Variants in NHEJ1 observed in about 807,000 individuals in gnomAD.
NHEJ1 encodes non-homologous end-joining factor 1.
NHEJ1 carries 22 observed loss-of-function variants against 39.4 expected under a neutral mutation model. The observed-to-expected ratio is 0.56, with a 90% CI of 0.40 to 0.80. NHEJ1 has a LOEUF of 0.80. Ranked by LOEUF, NHEJ1 falls within the 30% of genes least tolerant of loss-of-function variation. The pLI is 0.00. For synonymous variants in NHEJ1, 154 were observed against 135.6 expected, an observed-to-expected ratio of 1.14 and a Z score of -0.94; for missense variants, 329 against 357.1, an observed-to-expected ratio of 0.92 and a Z score of 0.63.
chr2:219,119,888 G>T (rs542010739), intron 5 of NHEJ1, among the ~76,000 whole-genome samples: 1 of 152,126 alleles, frequency 6.6e-6, no homozygotes, highest in Non-Finnish European at 1.5e-5. Flanking sequence ...TCTTTGTGAC[G>T]TTCCTTCTCC....
chr2:219,154,923 A>G (rs1949837280), intron 3 of NHEJ1, among the ~76,000 whole-genome samples: 1 of 147,494 alleles, frequency 6.8e-6, no homozygotes, highest in African/African-American at 2.5e-5. Flanking sequence ...ATATTAATAT[A>G]GATTAATATA....
At chr2:219,152,462 C>T (rs1358184654) in intron 3 of NHEJ1, among the ~76,000 whole-genome samples, 3 of 151,636 alleles carry the variant, frequency 2.0e-5, no homozygotes, top group Non-Finnish European at 2.9e-5. Flanking sequence ...AACAAATAAA[C>T]AAAAAAGATC....
intron 1 of NHEJ1, among the ~76,000 whole-genome samples, chr2:219,159,528 T>TATATATATATGCATATATATGC (rs745852983): frequency 1.1e-5 from 1 of 92,236 alleles, no homozygotes; most frequent in Non-Finnish European, 2.2e-5. Flanking sequence ...TATATATGCA[T>TATATATATATGCATATATATGC]ATATATATGC....
At chr2:219,123,006 C>T (rs138971345) in intron 5 of NHEJ1, among the ~76,000 whole-genome samples, 72 of 152,312 alleles carry the variant, frequency 4.7e-4, no homozygotes, top group African/African-American at 1.6e-3. Context: ...TTGTGTCCTA[C>T]GTCCCTGGCA....
rs1306863181 is a variant in NHEJ1, at chr2:219,074,739, T to C, written c.*1642A>G. On this transcript the variant is annotated 3_prime_UTR_variant, in exon 8 of 8. Transcript: ENST00000356853. ...CCTAGGCAACAAGAGCAAGACTCCA[T>C]TAAAAAAAAAAAAAAGTAACAAAAG... is the stretch of plus-strand genomic sequence containing the variant. 6.8e-6 allele frequency among the ~76,000 whole-genome samples: 1 copy of C among 147,764 alleles called. No homozygotes were observed. Among genetic ancestry groups the C allele is most frequent in the Admixed American group, 6.7e-5 (1 of 14,926 alleles).
In NHEJ1 at chr2:219,157,744, G is replaced by A. The variant is rs1949869351; in HGVS notation, c.178-60C>T. On this transcript the variant is annotated intron_variant, in intron 2 of 7. Coordinates refer to ENST00000356853, the MANE Select transcript of NHEJ1 (RefSeq NM_024782.3). Reference sequence around the variant, plus strand: ...TAAAAGGAAACTAATTCCCTCATAAGTAACAGCAAAGGAAAGCCCTGGTTA... The same window carrying A: ...TAAAAGGAAACTAATTCCCTCATAAATAACAGCAAAGGAAAGCCCTGGTTA... 3 of 1,399,304 alleles carry A rather than the reference G, an allele frequency of 2.1e-6. No homozygotes were observed. In the African/African-American group the frequency reaches 4.2e-5, roughly 20 times the overall value. 86.7% of individuals were successfully genotyped at this position (1,399,304 alleles called of 1,614,324 possible).
At chr2:219,082,973 T>G (rs1009963088) in intron 5 of NHEJ1, among the ~76,000 whole-genome samples, 6 of 151,984 alleles carry the variant, frequency 3.9e-5, no homozygotes, top group Non-Finnish European at 7.4e-5. Flanking sequence ...GGCCAGAGGG[T>G]TTGCCAGAAT....
intron 5 of NHEJ1, among the ~76,000 whole-genome samples, chr2:219,101,701 G>A (rs981250528): frequency 6.6e-6 from 1 of 151,112 alleles, no homozygotes; most frequent in Non-Finnish European, 1.5e-5. Context: ...CTCAGCCACC[G>A]CACCCGAACT....
At chr2:219,123,259 T>G (rs1949487895) in intron 5 of NHEJ1, among the ~76,000 whole-genome samples, 1 of 152,144 alleles carries the variant, frequency 6.6e-6, no homozygotes, top group Admixed American at 6.5e-5. Context: ...AGATCACACA[T>G]TAACAGTAAG....
chr2:219,130,807 G>A (rs781540726), intron 5 of NHEJ1, among the ~76,000 whole-genome samples: 7 of 152,208 alleles, frequency 4.6e-5, no homozygotes, highest in Non-Finnish European at 8.8e-5. Context: ...TCCAGTGTGA[G>A]GCTGGTTGCA....
At chr2:219,130,043 T>C (rs1264128368) in intron 5 of NHEJ1, among the ~76,000 whole-genome samples, 2 of 123,184 alleles carry the variant, frequency 1.6e-5, no homozygotes, top group Non-Finnish European at 3.8e-5. Flanking sequence ...GTATGTCCCT[T>C]CTTTTTTTTT....
intron 5 of NHEJ1, among the ~76,000 whole-genome samples, chr2:219,143,907 T>C (rs991169976): frequency 6.6e-6 from 1 of 152,204 alleles, no homozygotes; most frequent in Non-Finnish European, 1.5e-5. Context: ...ATAGGTCTAA[T>C]AAGCAACACT....
At chr2:219,144,141 C>T (rs554624599) in intron 5 of NHEJ1, among the ~76,000 whole-genome samples, 2 of 152,200 alleles carry the variant, frequency 1.3e-5, no homozygotes, top group Admixed American at 1.3e-4. Flanking sequence ...GCAGAGATTA[C>T]AGTGAGCCGA....
intron 5 of NHEJ1, among the ~76,000 whole-genome samples, chr2:219,085,742 C>T (rs925385588): frequency 4.1e-5 from 5 of 123,000 alleles, no homozygotes; most frequent in Admixed American, 1.9e-4. Context: ...CCTTTTAAAA[C>T]AAGATGGGAG....
At chr2:219,101,225 G>A (rs1949257250) in intron 5 of NHEJ1, among the ~76,000 whole-genome samples, 1 of 151,662 alleles carries the variant, frequency 6.6e-6, no homozygotes, top group Non-Finnish European at 1.5e-5. Context: ...AGCAATTATC[G>A]TGCCTCAGCC....
At chr2:219,159,395 C>T (rs1451308976) in intron 1 of NHEJ1, 1 of 151,334 alleles carries the variant, frequency 6.6e-6, no homozygotes, top group Non-Finnish European at 1.5e-5. Context: ...ATAAAATGAA[C>T]AGAAGTACCA....
chr2:219,140,208 G>A (rs1949677361), intron 5 of NHEJ1, among the ~76,000 whole-genome samples: 1 of 152,230 alleles, frequency 6.6e-6, no homozygotes, highest in African/African-American at 2.4e-5. Flanking sequence ...TGGAGTGAAT[G>A]AGGGAGGAAG....
At chr2:219,146,292 C>T (rs151178300) in intron 5 of NHEJ1, among the ~76,000 whole-genome samples, 3 of 152,284 alleles carry the variant, frequency 2.0e-5, no homozygotes, top group African/African-American at 7.2e-5. Context: ...CCTGCAGGAT[C>T]CTGAAAGGGC....
At position 219,159,564 on chromosome 2, in the gene NHEJ1, C is replaced by CATATATATGCATAT. The variant is rs1553549842; in HGVS notation, c.-1+1155_-1+1156insATATGCATATATAT. Reference sequence around the variant, plus strand: ...ATATATATATATGCATATATATATGCATATATATATGCATATATATATGCA... The same window carrying CATATATATGCATAT: ...ATATATATATATGCATATATATATGCATATATATGCATATATATATATATGCATATATATATGCA... On this transcript the variant is annotated intron_variant, in intron 1 of 7. Coordinates refer to ENST00000356853, the MANE Select transcript of NHEJ1 (RefSeq NM_024782.3). Among the ~76,000 whole-genome samples, 290 of 61,744 alleles carry CATATATATGCATAT rather than the reference C, an allele frequency of 4.7e-3. 14 individuals carry two copies. The highest frequency in any genetic ancestry group is 0.015 in the Middle Eastern group (2 of 132). 40.5% of individuals were successfully genotyped at this position (61,744 alleles called of 152,430 possible). A position where few individuals can be genotyped will look rare whatever the true frequency, so the allele number is the denominator to read the frequency against.
Sources: allele counts gnomAD v4.1 joint callset (sites outside exome capture counted in the v4.1 genomes callset), GRCh38; gene constraint gnomAD v4.1.1; transcripts MANE v1.5; gene names NCBI Gene and HGNC (gene_info 2026-07-23, HGNC 2026-07-21).